MGA: variants seen among roughly 807,000 people sequenced by gnomAD.
MGA encodes the protein MAX dimerization protein MGA.
In MGA, 40 loss-of-function variants were observed where a neutral mutation model predicts 261.1. The ratio of observed to expected loss-of-function variants is 0.15; its 90% CI spans 0.12 to 0.20. MGA has a LOEUF of 0.20. Ranked by LOEUF, MGA falls within the 10% of genes least tolerant of loss-of-function variation. MGA has a pLI of 1.00. For missense variants in MGA, 3,397 were observed against 3,630.5 expected, an observed-to-expected ratio of 0.94 and a Z score of 1.65; for synonymous variants, 1,302 against 1,290.6, an observed-to-expected ratio of 1.01 and a Z score of -0.19.
chr15:41,630,318 C>T (rs1443015993), intron 1 of MGA, among the ~76,000 whole-genome samples: 1 of 152,184 alleles, frequency 6.6e-6, no homozygotes, highest in Non-Finnish European at 1.5e-5. Flanking sequence ...TTCCTCAGTG[C>T]TGTTGCTTAT....
At chr15:41,732,259 T>G (rs1214672467) in intron 11 of MGA, among the ~76,000 whole-genome samples, 2 of 151,898 alleles carry the variant, frequency 1.3e-5, no homozygotes, top group Non-Finnish European at 2.9e-5. Context: ...GCCATTCTCC[T>G]GCCTTAGCCT....
Position 41,749,092 on chromosome 15 carries a change from C to T in MGA, c.5504-19C>T, listed in dbSNP as rs754441794. 1.9e-6 allele frequency: 3 copies of T among 1,589,764 alleles called. No individual in the cohort carries two copies. The highest frequency in any genetic ancestry group is 1.1e-5 in the South Asian group (1 of 87,910). Reference sequence around the variant, plus strand: ...GGGCAGTCATGATTTAAAAATTTCTCTCTTATTTTTTAAACCAGGGTCTGT... The same window carrying T: ...GGGCAGTCATGATTTAAAAATTTCTTTCTTATTTTTTAAACCAGGGTCTGT... On this transcript the variant is annotated intron_variant, in intron 16 of 23. Transcript: ENST00000219905.
intron 2 of MGA, among the ~76,000 whole-genome samples, chr15:41,670,766 A>G (rs924021322): frequency 1.3e-5 from 2 of 152,190 alleles, no homozygotes; most frequent in Non-Finnish European, 2.9e-5. Flanking sequence ...TCGGCCTCCC[A>G]AGGTGCTGGG....
At chr15:41,632,036 G>A (rs1236892571) in intron 1 of MGA, among the ~76,000 whole-genome samples, 1 of 152,116 alleles carries the variant, frequency 6.6e-6, no homozygotes, top group African/African-American at 2.4e-5. Flanking sequence ...GTTGAGACAA[G>A]TTCAGACTCC....
chr15:41,674,853 G>A (rs549261836), intron 2 of MGA, among the ~76,000 whole-genome samples: 1 of 152,286 alleles, frequency 6.6e-6, no homozygotes, highest in African/African-American at 2.4e-5. Context: ...GATGTTTCTA[G>A]CTTATTTGTC....
At chr15:41,740,747 G>A (rs1033074393) in intron 14 of MGA, among the ~76,000 whole-genome samples, 5 of 152,186 alleles carry the variant, frequency 3.3e-5, no homozygotes, top group African/African-American at 1.2e-4. Flanking sequence ...AGCTAGTGGT[G>A]TAAGTAGTAT....
chr15:41,703,828 CAG>C (rs1567002730), intron 5 of MGA, among the ~76,000 whole-genome samples: 4 of 152,298 alleles, frequency 2.6e-5, no homozygotes, highest in Admixed American at 2.0e-4. Context: ...GTTTTTGAGA[CAG>C]GGTCTCGCTT....
intron 1 of MGA, among the ~76,000 whole-genome samples, chr15:41,639,514 G>C (rs539832843): frequency 6.9e-6 from 1 of 144,404 alleles, no homozygotes; most frequent in African/African-American, 2.5e-5. Flanking sequence ...GGAGCATGTA[G>C]TTTTTTTTTT....
At chr15:41,701,242 A>T in intron 5 of MGA, among the ~76,000 whole-genome samples, 1 of 150,056 alleles carries the variant, frequency 6.7e-6, no homozygotes. Context: ...TCCCTTTTCC[A>T]CTTCCATTTT....
At chr15:41,695,681 T>G (rs936515902) in intron 2 of MGA, among the ~76,000 whole-genome samples, 23 of 152,232 alleles carry the variant, frequency 1.5e-4, no homozygotes, top group African/African-American at 4.8e-4. Flanking sequence ...ATTCTTTATA[T>G]TGAAAGTGAG....
At chr15:41,724,640 G>C (rs889064175) in intron 9 of MGA, among the ~76,000 whole-genome samples, 1 of 152,116 alleles carries the variant, frequency 6.6e-6, no homozygotes. Flanking sequence ...AGCCATGGTG[G>C]TGCCAGTACA....
intron 1 of MGA, among the ~76,000 whole-genome samples, chr15:41,649,041 A>G (rs567921805): frequency 6.6e-6 from 1 of 152,304 alleles, no homozygotes; most frequent in East Asian, 1.9e-4. Context: ...GAGTGCTTCT[A>G]TGTGCAAGGT....
chr15:41,655,314 G>T (rs895963146), intron 1 of MGA, among the ~76,000 whole-genome samples: 2 of 151,780 alleles, frequency 1.3e-5, no homozygotes, highest in Non-Finnish European at 2.9e-5. Flanking sequence ...AAGTAGCTGG[G>T]ATTACAGGCA....
intron 11 of MGA, among the ~76,000 whole-genome samples, chr15:41,730,533 A>G (rs1021627908): frequency 5.9e-5 from 9 of 152,196 alleles, no homozygotes; most frequent in Admixed American, 2.6e-4. Flanking sequence ...TGTACCAACA[A>G]AATCCTGTAT....
At chr15:41,660,346 C>G (rs551912403), upstream of MGA, 1 of 152,784 alleles carries the variant, frequency 6.5e-6, no homozygotes, top group African/African-American at 2.4e-5. Flanking sequence ...CTCGCGTCTC[C>G]TTTTGCGCCT....
intron 2 of MGA, chr15:41,691,745 C>T (rs1342189183): frequency 3.1e-6 from 1 of 324,120 alleles, no homozygotes; most frequent in Non-Finnish European, 7.1e-6. Context: ...AGTATATTGT[C>T]TTCTGACTTA....
At chr15:41,729,021 G>A (rs1211451642) in intron 10 of MGA, 143 bp from the exon 11 acceptor site, 2 of 802,730 alleles carry the variant, frequency 2.5e-6, no homozygotes, top group East Asian at 2.7e-5. Context: ...CATATGAACT[G>A]TACTTGTGCT....
intron 15 of MGA, among the ~76,000 whole-genome samples, chr15:41,744,700 T>C (rs2062339147): frequency 6.6e-6 from 1 of 152,236 alleles, no homozygotes; most frequent in Non-Finnish European, 1.5e-5. Flanking sequence ...GTTTCTGTAC[T>C]CTTAATTCTT....
rs753102951 is a variant in MGA at position 41,766,626 on chromosome 15, C to G, written c.8544C>G (p.Pro2848=). ...ACTCTGTTGGCCTGGCTGAACTACC[C>G]AGCTCTATGGATACAGAGTTCCCAG... The change falls in exon 24 of 24, where the codon CCC becomes CCG. Residue 2848 remains proline (P), a synonymous_variant. Coordinates refer to ENST00000219905, the MANE Select transcript of MGA (RefSeq NM_001164273.2). 3.1e-6 allele frequency: 5 copies of G among 1,613,880 alleles called. No individual in the cohort carries two copies. The East Asian group carries it at 1.1e-4, about 36-fold the overall frequency.
Sources: allele counts gnomAD v4.1 joint callset (sites outside exome capture counted in the v4.1 genomes callset), GRCh38; gene constraint gnomAD v4.1.1; transcripts MANE v1.5; gene names NCBI Gene and HGNC (gene_info 2026-07-23, HGNC 2026-07-21).